CDH9: variants seen among roughly 807,000 people sequenced by gnomAD.
CDH9 encodes cadherin 9, also known as cadherin-9.
A neutral mutation model predicts 70.9 loss-of-function variants in CDH9; 28 were observed. The ratio of observed to expected loss-of-function variants is 0.40; its 90% CI spans 0.29 to 0.54. CDH9 has a LOEUF of 0.54. CDH9 is among the 20% of genes least tolerant of loss of function. CDH9 has a pLI of 0.59. For missense variants in CDH9, 874 were observed against 984.4 expected, an observed-to-expected ratio of 0.89 and a Z score of 1.50; for synonymous variants, 409 against 343.1, an observed-to-expected ratio of 1.19 and a Z score of -2.12.
chr5:26,887,936 T>C (rs1740592553), intron 9 of CDH9, among the ~76,000 whole-genome samples: 2 of 152,128 alleles, frequency 1.3e-5, no homozygotes, highest in East Asian at 1.9e-4. Flanking sequence ...AGAGAGAGCA[T>C]AGATAGCCCT....
At chr5:26,902,976 T>A (rs1740883403) in intron 6 of CDH9, 1 of 346,856 alleles carries the variant, frequency 2.9e-6, no homozygotes, top group Non-Finnish European at 5.2e-6. Context: ...ATATGCTTCA[T>A]TTTTTTGGTG....
intron 2 of CDH9, among the ~76,000 whole-genome samples, chr5:26,983,174 G>A (rs972177349): frequency 6.6e-6 from 1 of 152,110 alleles, no homozygotes; most frequent in Non-Finnish European, 1.5e-5. Context: ...AGGGGTCTGC[G>A]GATGTGATGA....
intron 5 of CDH9, among the ~76,000 whole-genome samples, chr5:26,904,321 C>A (rs1053676832): frequency 6.6e-6 from 1 of 151,376 alleles, no homozygotes; most frequent in Admixed American, 6.6e-5. Flanking sequence ...TTTAGTGGGG[C>A]ATGGATGTTT....
intron 3 of CDH9, among the ~76,000 whole-genome samples, chr5:26,909,660 A>T (rs144864520): frequency 1.3e-5 from 2 of 151,696 alleles, no homozygotes; most frequent in Non-Finnish European, 2.9e-5. Flanking sequence ...AGTATTCGCG[A>T]GACCATTATT....
At chr5:26,997,112 T>C (rs1742679410) in intron 1 of CDH9, among the ~76,000 whole-genome samples, 1 of 152,084 alleles carries the variant, frequency 6.6e-6, no homozygotes, top group Admixed American at 6.6e-5. Flanking sequence ...ATGATATGTA[T>C]AGAATATATG....
At chr5:26,981,682 C>T (rs1349607879) in intron 2 of CDH9, among the ~76,000 whole-genome samples, 2 of 151,752 alleles carry the variant, frequency 1.3e-5, no homozygotes, top group African/African-American at 2.4e-5. Context: ...TTATATATGA[C>T]ATAATATGAC....
At chr5:26,885,917 T>C in intron 10 of CDH9, 49 bp downstream of exon 10, 2 of 1,599,018 alleles carry the variant, frequency 1.3e-6, no homozygotes, top group Non-Finnish European at 1.7e-6. Flanking sequence ...TGTTTTTAAC[T>C]GTGTATCTTA....
intron 3 of CDH9, 123 bp from the exon 4 acceptor site, chr5:26,906,961 T>G: frequency 7.7e-7 from 1 of 1,297,372 alleles, no homozygotes; most frequent in Non-Finnish European, 9.9e-7. Context: ...TTGAAGAAAT[T>G]TATTTAAATA....
intron 1 of CDH9, among the ~76,000 whole-genome samples, chr5:27,030,996 CAGGCTA>C (rs1216398094): frequency 6.6e-6 from 1 of 151,628 alleles, no homozygotes; most frequent in Non-Finnish European, 1.5e-5. Flanking sequence ...TTCTTTTCTG[CAGGCTA>C]ACATTGGTTA....
At chr5:26,954,370 C>T (rs1579474042) in intron 2 of CDH9, among the ~76,000 whole-genome samples, 1 of 133,862 alleles carries the variant, frequency 7.5e-6, no homozygotes, top group Admixed American at 7.4e-5. Context: ...TAAAGCTTTT[C>T]GCTATTATAC....
chr5:26,962,102 T>C (rs1365477112), intron 2 of CDH9, among the ~76,000 whole-genome samples: 1 of 152,190 alleles, frequency 6.6e-6, no homozygotes, highest in Non-Finnish European at 1.5e-5. Context: ...TTGTGTTATT[T>C]TGCTGATAAT....
At chr5:26,890,885 C>G (rs1020036803) in intron 7 of CDH9, 42 of 211,524 alleles carry the variant, frequency 2.0e-4, no homozygotes, top group African/African-American at 9.2e-4. Context: ...GTGCTTGAGA[C>G]ACTTTAAACA....
At position 26,918,775 on chromosome 5, in the gene CDH9, A is replaced by T. The variant is rs78696373; in HGVS notation, c.229-2851T>A. Among the ~76,000 whole-genome samples the T allele has an allele frequency of 1.8e-4, 28 of 152,314 alleles. No homozygotes were observed. In the East Asian group the frequency reaches 3.7e-3, roughly 20 times the overall value. On this transcript the variant is annotated intron_variant, in intron 2 of 11. Coordinates refer to ENST00000231021, the MANE Select transcript of CDH9 (RefSeq NM_016279.4). Reference sequence around the variant, plus strand: ...GGACTCAGACTCGATGTGGAACTCAATACCATATATTCTCTAGCATCTCAG... The same window carrying T: ...GGACTCAGACTCGATGTGGAACTCATTACCATATATTCTCTAGCATCTCAG...
intron 7 of CDH9, among the ~76,000 whole-genome samples, chr5:26,896,691 C>T (rs923103756): frequency 6.6e-6 from 1 of 151,838 alleles, no homozygotes. Context: ...AAATTTATAG[C>T]ACTAAATGCC....
chr5:26,984,767 G>T (rs983943487), intron 2 of CDH9, among the ~76,000 whole-genome samples: 1 of 151,774 alleles, frequency 6.6e-6, no homozygotes, highest in Non-Finnish European at 1.5e-5. Flanking sequence ...TTTCCTTCTT[G>T]GGGAACAGTA....
At chr5:26,912,535 T>A (rs1032239825) in intron 3 of CDH9, among the ~76,000 whole-genome samples, 7 of 151,072 alleles carry the variant, frequency 4.6e-5, no homozygotes, top group Admixed American at 6.6e-5. Flanking sequence ...TATATAGATA[T>A]GTATGTATTA....
At chr5:27,028,076 T>A (rs1055835860) in intron 1 of CDH9, among the ~76,000 whole-genome samples, 7 of 151,952 alleles carry the variant, frequency 4.6e-5, no homozygotes, top group Admixed American at 3.9e-4. Context: ...GCCCTCAGGT[T>A]TTTGTGATCA....
chr5:26,996,118 A>G (rs1190811505), intron 1 of CDH9, among the ~76,000 whole-genome samples: 1 of 152,022 alleles, frequency 6.6e-6, no homozygotes, highest in Admixed American at 6.6e-5. Flanking sequence ...ATACACTTAC[A>G]GAAGTTTTAA....
intron 2 of CDH9, among the ~76,000 whole-genome samples, chr5:26,925,086 C>T (rs941653519): frequency 6.6e-6 from 1 of 152,140 alleles, no homozygotes; most frequent in Non-Finnish European, 1.5e-5. Flanking sequence ...ATCACTGGGT[C>T]AAATGGTATT....
Sources: gnomAD v4.1 joint callset for allele counts (sites outside exome capture counted in the v4.1 genomes callset) on GRCh38, gnomAD v4.1.1 for gene constraint, MANE v1.5 for transcripts, NCBI Gene and HGNC (gene_info 2026-07-23, HGNC 2026-07-21) for gene names.